PITPNM2: variants seen among roughly 807,000 people sequenced by gnomAD.
PITPNM2 encodes membrane-associated phosphatidylinositol transfer protein 2.
PITPNM2 carries 35 observed loss-of-function variants against 132.2 expected under a neutral mutation model. The observed-to-expected ratio is 0.26, with a 90% CI of 0.20 to 0.35. PITPNM2 has a LOEUF of 0.35. PITPNM2 is among the 10% of genes least tolerant of loss of function. The pLI, the probability that PITPNM2 is intolerant of heterozygous loss-of-function variation, is 1.00. For missense variants in PITPNM2, 1,332 were observed against 1,912.0 expected (o/e 0.70, Z 5.66); for synonymous variants, 738 against 799.2 (o/e 0.92, Z 1.29).
At chr12:122,997,094 TA>T (rs2038462504) in intron 11 of PITPNM2, among the ~76,000 whole-genome samples, 184 bp from the exon 12 acceptor site, 1 of 152,106 alleles carries the variant, frequency 6.6e-6, no homozygotes, top group African/African-American at 2.4e-5. Flanking sequence ...GGCAGGCCAA[TA>T]TCCCCACATT....
intron 1 of PITPNM2, among the ~76,000 whole-genome samples, chr12:123,142,488 A>T (rs2043525551): frequency 6.6e-6 from 1 of 152,212 alleles, no homozygotes; most frequent in African/African-American, 2.4e-5. Flanking sequence ...TTTTGTTATT[A>T]ATGGTGTTTT....
intron 2 of PITPNM2, 100 bp from the exon 3 acceptor site, chr12:123,034,785 T>C: frequency 1.7e-6 from 1 of 584,102 alleles, no homozygotes; most frequent in Non-Finnish European, 3.1e-6. Flanking sequence ...GAGGCTGGAA[T>C]TGTGGCCTCT....
intron 2 of PITPNM2, among the ~76,000 whole-genome samples, chr12:123,074,783 A>G (rs1004855480): frequency 2.0e-5 from 3 of 152,148 alleles, no homozygotes; most frequent in Admixed American, 1.3e-4. Context: ...AGACACAAAC[A>G]TGCCAATCCC....
chr12:123,052,464 T>C (rs562791182), intron 2 of PITPNM2, among the ~76,000 whole-genome samples: 54 of 152,192 alleles, frequency 3.5e-4, no homozygotes, highest in Non-Finnish European at 6.6e-4. Context: ...ACAGAAAATT[T>C]AAAAAATTAG....
intron 2 of PITPNM2, among the ~76,000 whole-genome samples, chr12:123,066,577 T>C (rs1298298710): frequency 6.6e-6 from 1 of 152,104 alleles, no homozygotes; most frequent in Non-Finnish European, 1.5e-5. Context: ...GACAGACTCC[T>C]CTCTGCAATG....
intron 2 of PITPNM2, among the ~76,000 whole-genome samples, chr12:123,057,713 C>T (rs2041083715): frequency 6.6e-6 from 1 of 152,198 alleles, no homozygotes; most frequent in African/African-American, 2.4e-5. Context: ...ATCTGAGTTA[C>T]AAGCGGCTGA....
intron 1 of PITPNM2, among the ~76,000 whole-genome samples, chr12:123,122,379 T>C (rs1266842785): frequency 6.6e-6 from 1 of 152,054 alleles, no homozygotes; most frequent in African/African-American, 2.4e-5. Context: ...GGAGAATCGC[T>C]TGAACCTGGG....
chr12:123,032,843 G>A (rs2040141161), intron 3 of PITPNM2, among the ~76,000 whole-genome samples: 1 of 152,212 alleles, frequency 6.6e-6, no homozygotes, highest in Admixed American at 6.5e-5. Context: ...AGGGAATTGA[G>A]TGGTCCTTCT....
upstream of PITPNM2, among the ~76,000 whole-genome samples, chr12:123,151,374 G>A (rs1326064799): frequency 6.6e-6 from 1 of 151,934 alleles, no homozygotes; most frequent in African/African-American, 2.4e-5. Context: ...CTCGCCCACC[G>A]TCCGCAGCAG....
intron 2 of PITPNM2, among the ~76,000 whole-genome samples, chr12:123,094,949 C>T (rs1043953235): frequency 1.3e-5 from 2 of 152,226 alleles, no homozygotes; most frequent in South Asian, 2.1e-4. Context: ...ACCACAGACA[C>T]GTGAAAATAT....
chr12:123,029,249 T>A (rs2136402678), intron 3 of PITPNM2, among the ~76,000 whole-genome samples: 1 of 152,304 alleles, frequency 6.6e-6, no homozygotes, highest in East Asian at 1.9e-4. Context: ...TTTCCCCATA[T>A]GTAAAATGGG....
At chr12:123,135,525 C>T (rs1486432160) in intron 1 of PITPNM2, among the ~76,000 whole-genome samples, 1 of 152,126 alleles carries the variant, frequency 6.6e-6, no homozygotes, top group Non-Finnish European at 1.5e-5. Flanking sequence ...CCATTGCTTC[C>T]TCCCCTCAGA....
intron 18 of PITPNM2, 83 bp downstream of exon 18, chr12:122,989,704 G>A: frequency 7.9e-7 from 1 of 1,267,066 alleles, no homozygotes; most frequent in South Asian, 2.8e-5. Context: ...CCGAAGCGGG[G>A]GTCTAGGTGG....
At chr12:123,130,309 C>T (rs1326908467) in intron 1 of PITPNM2, among the ~76,000 whole-genome samples, 1 of 152,112 alleles carries the variant, frequency 6.6e-6, no homozygotes, top group African/African-American at 2.4e-5. Flanking sequence ...TCCTGGCCCA[C>T]AATTATCTCA....
At chr12:123,132,511 TTTTC>T in intron 1 of PITPNM2, among the ~76,000 whole-genome samples, 1 of 143,544 alleles carries the variant, frequency 7.0e-6, no homozygotes, top group Non-Finnish European at 1.5e-5. Flanking sequence ...TCTTTTGTTC[TTTTC>T]TTTCCCTTTT....
chr12:122,997,399 G>A lies in PITPNM2; in HGVS notation c.1398C>T (p.Ser466=), dbSNP rs200454772. Residue 466 remains serine (S), a synonymous_variant, in exon 11 of 26, where the codon AGC becomes AGT. Transcript: ENST00000320201. The part of the protein sequence containing the change: ...FDTVMRVHYP[S]ALGRLAIRLV... ...GGCGGATGGCAAGGCGGCCCAGGGC[G>A]CTGGGGTAGTGCACGCGCATGACGG... 1.2e-4 allele frequency: 193 copies of A among 1,613,472 alleles called. 3 individuals carry two copies. In the South Asian group the frequency reaches 1.8e-3, roughly 15 times the overall value.
intron 1 of PITPNM2, among the ~76,000 whole-genome samples, chr12:123,143,525 C>T (rs1229439958): frequency 6.6e-6 from 1 of 152,212 alleles, no homozygotes; most frequent in African/African-American, 2.4e-5. Flanking sequence ...CTTGGGAAAG[C>T]TTCCTCTGAG....
intron 2 of PITPNM2, among the ~76,000 whole-genome samples, chr12:123,071,561 C>T (rs541753642): frequency 6.6e-6 from 1 of 152,228 alleles, no homozygotes; most frequent in Non-Finnish European, 1.5e-5. Flanking sequence ...CTGGCTAAGA[C>T]ACCGCACTGG....
intron 3 of PITPNM2, among the ~76,000 whole-genome samples, chr12:123,014,659 G>A (rs915761924): frequency 8.5e-5 from 13 of 152,156 alleles, no homozygotes; most frequent in African/African-American, 3.1e-4. Context: ...CTGAGATCAC[G>A]CCTCTGCACT....
Sources: gnomAD v4.1 joint callset for allele counts (sites outside exome capture counted in the v4.1 genomes callset) on GRCh38, gnomAD v4.1.1 for gene constraint, MANE v1.5 for transcripts, NCBI Gene and HGNC (gene_info 2026-07-23, HGNC 2026-07-21) for gene names.